MYCBP: variants seen among roughly 807,000 people sequenced by gnomAD.
MYCBP encodes the protein C-Myc-binding protein.
MYCBP carries 5 observed loss-of-function variants against 16.8 expected under a neutral mutation model. That is an observed-to-expected ratio of 0.30 (90% CI 0.16 to 0.63). The LOEUF (loss-of-function observed/expected upper bound fraction) is 0.63, where lower values mean the gene tolerates loss of function less well. Among genes scored for constraint, MYCBP ranks in the 20% least tolerant of loss-of-function variants. The probability of loss-of-function intolerance (pLI) is 0.83; values close to 1 mark genes in which losing one functional copy is unlikely to be tolerated. For missense variants in MYCBP, 103 were observed against 121.8 expected (o/e 0.85, Z 0.73); for synonymous variants, 35 against 43.7 (o/e 0.80, Z 0.79).
At chr1:38,866,236 C>T (rs530088554) in intron 4 of MYCBP, among the ~76,000 whole-genome samples, 11 of 151,004 alleles carry the variant, frequency 7.3e-5, no homozygotes, top group African/African-American at 2.2e-4. Flanking sequence ...TCAGTAGAGA[C>T]GGGGTTTCTC....
At chr1:38,866,842 T>G (rs1642352312) in intron 4 of MYCBP, 38 bp downstream of exon 4, 1 of 1,412,770 alleles carries the variant, frequency 7.1e-7, no homozygotes, top group Non-Finnish European at 9.6e-7. Flanking sequence ...TTATTACAGG[T>G]AAAATTATTT....
intron 4 of MYCBP, among the ~76,000 whole-genome samples, chr1:38,865,408 G>C (rs887340437): frequency 3.3e-5 from 5 of 152,144 alleles, no homozygotes; most frequent in African/African-American, 1.2e-4. Flanking sequence ...AATACTTAGA[G>C]TAATGTAAAA....
Position 38,864,532 on chromosome 1 carries a change from GTTT to G in MYCBP, c.*135_*137del, listed in dbSNP as rs1642297747. 1.1e-6 allele frequency: 1 copy of G among 882,166 alleles called. No individual in the cohort carries two copies. The highest frequency in any genetic ancestry group is 2.3e-5 in the Admixed American group (1 of 43,600). 54.6% of individuals were successfully genotyped at this position (882,166 alleles called of 1,614,324 possible). ...TGAGTTTTTATTGATGATTCTATGTGTTTTTAACAGAGTGTGATAGGTGAATTA... is the reference window on the plus strand; with the variant it reads ...TGAGTTTTTATTGATGATTCTATGTGTTAACAGAGTGTGATAGGTGAATTA... On this transcript the variant is annotated 3_prime_UTR_variant, in exon 5 of 5. Transcript: ENST00000397572.
intron 2 of MYCBP, among the ~76,000 whole-genome samples, chr1:38,870,822 A>T (rs868028384): frequency 3.3e-5 from 5 of 150,046 alleles, no homozygotes; most frequent in Non-Finnish European, 4.4e-5. Flanking sequence ...AAAAAAAAAA[A>T]AAAAAACAAA....
chr1:38,866,845 AATT>A lies in MYCBP; in HGVS notation c.267+32_267+34del, dbSNP rs764499258. ...TTCATCATACAATTATTACAGGTAAAATTATTTGAATATGAATTCTTTTTAAAA... is the reference window on the plus strand; with the variant it reads ...TTCATCATACAATTATTACAGGTAAAATTTGAATATGAATTCTTTTTAAAA... On this transcript the variant is annotated intron_variant, in intron 4 of 4. Coordinates refer to ENST00000397572, the MANE Select transcript of MYCBP (RefSeq NM_012333.5). The A allele has an allele frequency of 1.4e-4, 200 of 1,429,248 alleles. No individual in the cohort carries two copies. In the African/African-American group the frequency reaches 2.8e-3, roughly 20 times the overall value. The allele number at this position is 1,429,248 out of a possible 1,614,324, so 88.5% of individuals were successfully genotyped here.
In MYCBP at chr1:38,862,692, A is replaced by G. The variant is rs1642266677; in HGVS notation, c.*1978T>C. 6.6e-6 allele frequency among the ~76,000 whole-genome samples: 1 copy of G among 152,224 alleles called. No individual in the cohort carries two copies. The highest frequency in any genetic ancestry group is 1.5e-5 in the Non-Finnish European group (1 of 68,038). On this transcript the variant is annotated 3_prime_UTR_variant, in exon 5 of 5. Transcript: ENST00000397572. Reference sequence around the variant, plus strand: ...GACAGAAATGTTGAAGAGGACCTCTAGAGGCTAAGCTTATCCTGAATTCTT... The same window carrying G: ...GACAGAAATGTTGAAGAGGACCTCTGGAGGCTAAGCTTATCCTGAATTCTT...
At chr1:38,866,066 G>A (rs1189120402) in intron 4 of MYCBP, among the ~76,000 whole-genome samples, 1 of 6,490 alleles carries the variant, frequency 1.5e-4, no homozygotes, top group African/African-American at 8.7e-4. Flanking sequence ...TTTTTTTTTT[G>A]AGACAGAGTT....
At chr1:38,872,963 C>A in intron 2 of MYCBP, 55 bp downstream of exon 2, 1 of 1,538,816 alleles carries the variant, frequency 6.5e-7, no homozygotes, top group South Asian at 1.2e-5. Flanking sequence ...GGGAACGGGG[C>A]AGCGCCGGGG....
At chr1:38,866,044 C>CTCTTTTTTTTTTT (rs1642327727) in intron 4 of MYCBP, among the ~76,000 whole-genome samples, 2 of 65,720 alleles carry the variant, frequency 3.0e-5, no homozygotes, top group African/African-American at 1.6e-4. Context: ...CTAAGAACCT[C>CTCTTTTTTTTTTT]TTTTTTTTTT....
At position 38,862,550 on chromosome 1, in the gene MYCBP, T is replaced by C. The variant is rs1642264469; in HGVS notation, c.*2120A>G. ...CAACCAACTTGTGAGATAGGCAAGA[T>C]GTGAAGTCGATATTTTATAGACAAA... On this transcript the variant is annotated 3_prime_UTR_variant, in exon 5 of 5. Transcript: ENST00000397572. Among the ~76,000 whole-genome samples the C allele has an allele frequency of 2.0e-5, 3 of 152,244 alleles. No homozygotes were observed. Among genetic ancestry groups the C allele is most frequent in the Admixed American group, 6.5e-5 (1 of 15,292 alleles).
Position 38,862,588 on chromosome 1 carries a change from T to A in MYCBP, c.*2082A>T, listed in dbSNP as rs1642265212. On this transcript the variant is annotated 3_prime_UTR_variant, in exon 5 of 5. Transcript: ENST00000397572. ...TTTTATAGACAAAGCAGCTGAAGCATAATAGGAGCTTAACTGGTGGGATCC... is the reference window on the plus strand; with the variant it reads ...TTTTATAGACAAAGCAGCTGAAGCAAAATAGGAGCTTAACTGGTGGGATCC... Among the ~76,000 whole-genome samples the A allele has an allele frequency of 6.6e-6, 1 of 152,254 alleles. No homozygotes were observed. The highest frequency in any genetic ancestry group is 6.5e-5 in the Admixed American group (1 of 15,288).
chr1:38,872,090 T>G (rs185639947), intron 2 of MYCBP, among the ~76,000 whole-genome samples: 1 of 152,240 alleles, frequency 6.6e-6, no homozygotes, highest in Non-Finnish European at 1.5e-5. Context: ...CCTTCTTTCT[T>G]CTAAGACCCA....
chr1:38,869,983 A>G (rs1441633263), intron 2 of MYCBP, among the ~76,000 whole-genome samples: 2 of 152,020 alleles, frequency 1.3e-5, no homozygotes, highest in African/African-American at 4.8e-5. Flanking sequence ...CCTGGCTAAC[A>G]TGGTGAAACC....
At chr1:38,873,167 G>A in intron 1 of MYCBP, 77 bp from the exon 2 acceptor site, 1 of 1,551,004 alleles carries the variant, frequency 6.4e-7, no homozygotes, top group Non-Finnish European at 8.7e-7. Context: ...CGGCAACCCC[G>A]CCTCCGCCTC....
chr1:38,873,149 TG>T (rs1642504025), intron 1 of MYCBP, 59 bp from the exon 2 acceptor site: 2 of 1,551,706 alleles, frequency 1.3e-6, no homozygotes, highest in African/African-American at 2.7e-5. Flanking sequence ...AAGAAGGCGC[TG>T]GGAGTCCGGC....
At chr1:38,865,708 G>C (rs191585917) in intron 4 of MYCBP, among the ~76,000 whole-genome samples, 2 of 152,052 alleles carry the variant, frequency 1.3e-5, no homozygotes, top group African/African-American at 2.4e-5. Flanking sequence ...AGGCAGAGGT[G>C]GGGGGATTAC....
At chr1:38,873,145 G>T (rs1642503867) in intron 1 of MYCBP, 55 bp from the exon 2 acceptor site, 10 of 1,552,306 alleles carry the variant, frequency 6.4e-6, no homozygotes, top group Non-Finnish European at 8.7e-6. Flanking sequence ...CAGGAAGAAG[G>T]CGCTGGGAGT....
intron 3 of MYCBP, 107 bp downstream of exon 3, chr1:38,867,455 A>G (rs1427481594): frequency 2.8e-6 from 3 of 1,057,804 alleles, no homozygotes; most frequent in Non-Finnish European, 2.7e-6. Context: ...TCAAAAAAAA[A>G]AAAAAAAAAG....
At chr1:38,872,952 G>A in intron 2 of MYCBP, 66 bp downstream of exon 2, 1 of 1,520,914 alleles carries the variant, frequency 6.6e-7, no homozygotes. Flanking sequence ...ACGGCCCGCT[G>A]GGGAACGGGG....
Sources: allele counts gnomAD v4.1 joint callset (sites outside exome capture counted in the v4.1 genomes callset), GRCh38; gene constraint gnomAD v4.1.1; transcripts MANE v1.5; gene names NCBI Gene and HGNC (gene_info 2026-07-23, HGNC 2026-07-21).